The following PRKD1 variants were observed in gnomAD, a reference collection of about 807,000 sequenced individuals.
PRKD1 encodes serine/threonine-protein kinase D1.
Under a neutral mutation model 95.9 loss-of-function variants are expected in PRKD1, and 63 were observed. That is an observed-to-expected ratio of 0.66 (90% CI 0.54 to 0.81). The LOEUF (loss-of-function observed/expected upper bound fraction) is 0.81, where lower values mean the gene tolerates loss of function less well. PRKD1 is among the 30% of genes least tolerant of loss of function. The pLI, the probability that PRKD1 is intolerant of heterozygous loss-of-function variation, is 0.00. For missense variants in PRKD1, 1,048 were observed against 1,165.3 expected, an observed-to-expected ratio of 0.90 and a Z score of 1.47; for synonymous variants, 425 against 423.1, an observed-to-expected ratio of 1.00 and a Z score of -0.05.
intron 13 of PRKD1, among the ~76,000 whole-genome samples, chr14:29,607,576 T>C (rs138006334): frequency 2.1e-4 from 32 of 152,316 alleles, no homozygotes; most frequent in African/African-American, 7.2e-4. Flanking sequence ...CTCAGCTCCT[T>C]GAAGCTACCT....
intron 1 of PRKD1, among the ~76,000 whole-genome samples, chr14:29,872,664 A>AG (rs1267002098): frequency 6.6e-6 from 1 of 151,858 alleles, no homozygotes; most frequent in African/African-American, 2.4e-5. Flanking sequence ...TCTAAAAAAA[A>AG]AAAAAAAGAA....
intron 1 of PRKD1, among the ~76,000 whole-genome samples, chr14:29,835,367 C>G (rs1891572058): frequency 6.6e-6 from 1 of 152,106 alleles, no homozygotes; most frequent in African/African-American, 2.4e-5. Flanking sequence ...GGGGTAAAAA[C>G]TTGTAAGTAC....
chr14:29,757,909 G>A (rs573899240), intron 1 of PRKD1, among the ~76,000 whole-genome samples: 2 of 152,106 alleles, frequency 1.3e-5, no homozygotes, highest in African/African-American at 4.8e-5. Context: ...GGAAATGACA[G>A]AGACAGGACA....
At chr14:29,860,218 A>G (rs550244494) in intron 1 of PRKD1, among the ~76,000 whole-genome samples, 2 of 152,350 alleles carry the variant, frequency 1.3e-5, no homozygotes, top group East Asian at 3.9e-4. Flanking sequence ...AGCGATTATA[A>G]AACAGGCACC....
At chr14:29,732,375 A>T (rs1886483148) in intron 1 of PRKD1, among the ~76,000 whole-genome samples, 1 of 103,318 alleles carries the variant, frequency 9.7e-6, no homozygotes, top group Non-Finnish European at 2.3e-5. Context: ...CCTATTTCAC[A>T]CACAATGACC....
intron 1 of PRKD1, among the ~76,000 whole-genome samples, chr14:29,792,407 C>G (rs1341951768): frequency 2.0e-5 from 3 of 152,044 alleles, no homozygotes; most frequent in Admixed American, 6.6e-5. Context: ...TGAGATACTG[C>G]TTTGGTGTTA....
intron 1 of PRKD1, among the ~76,000 whole-genome samples, chr14:29,762,267 G>A (rs1054121448): frequency 2.0e-5 from 3 of 152,116 alleles, no homozygotes; most frequent in African/African-American, 7.2e-5. Flanking sequence ...ACACACATTA[G>A]AAAGTAGGCA....
chr14:29,833,124 A>T (rs1891478684), intron 1 of PRKD1, among the ~76,000 whole-genome samples: 1 of 152,132 alleles, frequency 6.6e-6, no homozygotes, highest in African/African-American at 2.4e-5. Flanking sequence ...ATATTTCTTT[A>T]AAAATATATC....
At chr14:29,707,563 T>C (rs1164790055) in intron 2 of PRKD1, among the ~76,000 whole-genome samples, 1 of 152,146 alleles carries the variant, frequency 6.6e-6, no homozygotes, top group Non-Finnish European at 1.5e-5. Context: ...ACATAAATAA[T>C]AGCCAAATAG....
chr14:29,599,318 T>C (rs912046906), intron 14 of PRKD1, among the ~76,000 whole-genome samples, 193 bp from the exon 15 acceptor site: 4 of 152,222 alleles, frequency 2.6e-5, no homozygotes, highest in Non-Finnish European at 5.9e-5. Flanking sequence ...ATGGTATTCA[T>C]ACAGCGGCCA....
At chr14:29,920,934 G>A (rs1001599405) in intron 1 of PRKD1, among the ~76,000 whole-genome samples, 4 of 152,130 alleles carry the variant, frequency 2.6e-5, no homozygotes, top group Non-Finnish European at 4.4e-5. Context: ...ACAGCAAATT[G>A]CAATCTCCCT....
intron 1 of PRKD1, among the ~76,000 whole-genome samples, chr14:29,895,379 C>T (rs1410859915): frequency 6.6e-6 from 1 of 152,048 alleles, no homozygotes; most frequent in East Asian, 1.9e-4. Context: ...TTTCTCCCCA[C>T]CCTGACTGCT....
intron 1 of PRKD1, among the ~76,000 whole-genome samples, chr14:29,731,654 T>C (rs1886441277): frequency 1.3e-5 from 2 of 152,208 alleles, no homozygotes. Flanking sequence ...TACATTTTCT[T>C]GAAGAATTTA....
intron 1 of PRKD1, among the ~76,000 whole-genome samples, chr14:29,885,658 G>A (rs1319677002): frequency 2.0e-5 from 3 of 152,042 alleles, no homozygotes; most frequent in African/African-American, 7.2e-5. Context: ...CTAAGGAGAA[G>A]ACTTTAAATC....
intron 1 of PRKD1, among the ~76,000 whole-genome samples, chr14:29,833,365 C>A (rs1216182742): frequency 6.6e-6 from 1 of 152,014 alleles, no homozygotes; most frequent in Non-Finnish European, 1.5e-5. Context: ...AAATTCTATT[C>A]TTTTATAATA....
intron 2 of PRKD1, among the ~76,000 whole-genome samples, chr14:29,706,710 T>C (rs940269801): frequency 9.2e-5 from 14 of 152,146 alleles, no homozygotes; most frequent in African/African-American, 3.1e-4. Flanking sequence ...TATGATATTA[T>C]TGTTACACTT....
chr14:29,728,745 A>C (rs1886293779), intron 1 of PRKD1, among the ~76,000 whole-genome samples: 1 of 152,194 alleles, frequency 6.6e-6, no homozygotes, highest in Non-Finnish European at 1.5e-5. Context: ...AACATTATGT[A>C]CAAGTGTTTC....
chr14:29,827,167 C>A (rs1267262001), intron 1 of PRKD1, among the ~76,000 whole-genome samples: 5 of 151,596 alleles, frequency 3.3e-5, no homozygotes, highest in Non-Finnish European at 7.4e-5. Context: ...TTTCATAGTT[C>A]ATCACTAAAT....
chr14:29,608,649 T>A (rs7160834), intron 13 of PRKD1, among the ~76,000 whole-genome samples: 1 of 152,000 alleles, frequency 6.6e-6, no homozygotes, highest in Non-Finnish European at 1.5e-5. Context: ...AATTATTTGC[T>A]ATCATGGGGT....
Sources: gnomAD v4.1 joint callset for allele counts (sites outside exome capture counted in the v4.1 genomes callset) on GRCh38, gnomAD v4.1.1 for gene constraint, MANE v1.5 for transcripts, NCBI Gene and HGNC (gene_info 2026-07-23, HGNC 2026-07-21) for gene names.